Variants in AP5Z1 observed in about 807,000 individuals in gnomAD.
AP5Z1 encodes the protein AP-5 complex subunit zeta-1.
Under a neutral mutation model 83.0 loss-of-function variants are expected in AP5Z1, and 106 were observed. The ratio of observed to expected loss-of-function variants is 1.28; its 90% CI spans 1.09 to 1.50. AP5Z1 has a LOEUF of 1.50. Among genes scored for constraint, AP5Z1 ranks in the 40% most tolerant of loss-of-function variants. The pLI, the probability that AP5Z1 is intolerant of heterozygous loss-of-function variation, is 0.00. For synonymous variants in AP5Z1, 751 were observed against 514.1 expected, an observed-to-expected ratio of 1.46 and a Z score of -6.23; for missense variants, 1,565 against 1,094.2, an observed-to-expected ratio of 1.43 and a Z score of -6.07.
At chr7:4,782,973 G>C (rs545149456) in intron 3 of AP5Z1, among the ~76,000 whole-genome samples, 89 of 152,280 alleles carry the variant, frequency 5.8e-4, no homozygotes, top group African/African-American at 1.9e-3. Context: ...GAGGTGGGTG[G>C]TTTAAAGACT....
At position 4,791,361 on chromosome 7, in the gene AP5Z1, G is replaced by A. The variant is rs368571200; in HGVS notation, c.2400G>A (p.Arg800=). 5.6e-4 allele frequency: 895 copies of A among 1,608,042 alleles called. 6 individuals are homozygous for A. Among genetic ancestry groups the A allele is most frequent in the Middle Eastern group, 5.4e-3 (32 of 5,972 alleles). The change falls in exon 17 of 17, where the codon AGG becomes AGA. Residue 800 remains arginine (R), a synonymous_variant. Transcript: ENST00000649063. ...GCACGGTCAGCCGGCTGGTGGAGAG[G>A]GAGGCCGGCCTCATGCCAGGGTGAA... is the stretch of plus-strand genomic sequence containing the variant. ...ALRTVSRLVE[R]EAGLMPG
At chr7:4,787,835 G>C (rs1035406543) in intron 11 of AP5Z1, 59 bp downstream of exon 11, 24 of 1,483,520 alleles carry the variant, frequency 1.6e-5, no homozygotes, top group Non-Finnish European at 2.1e-5. Flanking sequence ...CCACACACTG[G>C]GCCCCCTCCT....
chr7:4,779,479 T>C (rs191242271), intron 1 of AP5Z1, among the ~76,000 whole-genome samples: 9,780 of 147,388 alleles, frequency 0.066, 446 homozygotes, highest in African/African-American at 0.12. Context: ...ATTATATATA[T>C]ATATTTTTTT....
At chr7:4,786,133 C>T in intron 9 of AP5Z1, 117 bp from the exon 10 acceptor site, 2 of 1,120,212 alleles carry the variant, frequency 1.8e-6, no homozygotes, top group Non-Finnish European at 2.5e-6. Context: ...GCGTAGGACG[C>T]CTCGGAGCCC....
Position 4,791,444 on chromosome 7 carries a change from T to TGAGGCCAGGCTGATAG in AP5Z1, c.*63_*78dup. On this transcript the variant is annotated 3_prime_UTR_variant, in exon 17 of 17. Transcript: ENST00000649063. ...AGAGCCTGGGCAGCCAGCTTGCTAC[T>TGAGGCCAGGCTGATAG]GAGGCCAGGCTGATAGGAGCTCAGG... 1 of 1,525,606 alleles carries TGAGGCCAGGCTGATAG rather than the reference T, an allele frequency of 6.6e-7. No individual in the cohort carries two copies. The highest frequency in any genetic ancestry group is 2.4e-5 in the East Asian group (1 of 41,444). The allele number at this position is 1,525,606 out of a possible 1,614,324, so 94.5% of individuals were successfully genotyped here.
In AP5Z1 at chr7:4,791,422, G is replaced by A. The variant is rs1307038559; in HGVS notation, c.*37G>A. 18 of 1,560,504 alleles carry A rather than the reference G, an allele frequency of 1.2e-5. No individual in the cohort carries two copies. Among genetic ancestry groups the A allele is most frequent in the South Asian group, 2.4e-5 (2 of 84,592 alleles). On this transcript the variant is annotated 3_prime_UTR_variant, in exon 17 of 17. Coordinates refer to ENST00000649063, the MANE Select transcript of AP5Z1 (RefSeq NM_014855.3). ...CCAGGGACTTCGGTGCAGATTAAGA[G>A]CCTGGGCAGCCAGCTTGCTACTGAG...
chr7:4,782,053 T>TTG (rs1382997253), intron 3 of AP5Z1, among the ~76,000 whole-genome samples: 3 of 151,564 alleles, frequency 2.0e-5, no homozygotes, highest in Non-Finnish European at 4.4e-5. Context: ...CTTTTTGGGG[T>TTG]TTTTGTTTTG....
At chr7:4,779,342 CAT>C (rs200109123) in intron 1 of AP5Z1, among the ~76,000 whole-genome samples, 1,968 of 141,262 alleles carry the variant, frequency 0.014, 48 homozygotes, top group African/African-American at 0.05. Context: ...TGATATATAA[CAT>C]ATAACATGTT....
rs1168585647 is a variant in AP5Z1 at position 4,791,976 on chromosome 7, C to G, written c.*591C>G. On this transcript the variant is annotated 3_prime_UTR_variant, in exon 17 of 17. Coordinates refer to ENST00000649063, the MANE Select transcript of AP5Z1 (RefSeq NM_014855.3). Reference sequence around the variant, plus strand: ...CTGGGTGGTGCGCTTGTCAATGCCCCTTTTGATGCCCTTGAATAGCCTGAA... The same window carrying G: ...CTGGGTGGTGCGCTTGTCAATGCCCGTTTTGATGCCCTTGAATAGCCTGAA... 2.0e-5 allele frequency: 3 copies of G among 152,688 alleles called. No homozygotes were observed. Among genetic ancestry groups the G allele is most frequent in the African/African-American group, 4.8e-5 (2 of 41,450 alleles). The allele number at this position is 152,688 out of a possible 1,614,324, so 9.5% of individuals were successfully genotyped here. A position where few individuals can be genotyped will look rare whatever the true frequency, so the allele number is the denominator to read the frequency against.
chr7:4,781,943 G>A (rs1187700340), intron 3 of AP5Z1, among the ~76,000 whole-genome samples, 189 bp downstream of exon 3: 1 of 152,228 alleles, frequency 6.6e-6, no homozygotes, highest in African/African-American at 2.4e-5. Context: ...TGCCCAGCAG[G>A]CCCACGTGGT....
chr7:4,778,667 G>T (rs2115097525), intron 1 of AP5Z1, among the ~76,000 whole-genome samples: 1 of 151,386 alleles, frequency 6.6e-6, no homozygotes, highest in South Asian at 2.1e-4. Flanking sequence ...ATTTAATCGG[G>T]ATGAGGGGTT....
At position 4,788,171 on chromosome 7, in the gene AP5Z1, C is replaced by T. The variant is rs755018427; in HGVS notation, c.1472C>T (p.Ser491Phe). The stretch of plus-strand genomic sequence containing the variant: ...CCACGCAGGTCAGCACCGGCTGCAT[C>T]CGAGAGGCCACTCTGGGACACCTCT... ...DLQLRSAPAA[S>F]ERPLWDTSLR... is the part of the protein sequence containing the mutation. The change falls in exon 12 of 17, where the codon TCC becomes TTC. Residue 491 changes from serine (S) to phenylalanine (F), a missense_variant. By Grantham distance (155) the Ser-to-Phe change is radical. Transcript: ENST00000649063. 7 of 1,555,018 alleles carry T rather than the reference C, an allele frequency of 4.5e-6. No homozygotes were observed. The highest frequency in any genetic ancestry group is 1.4e-5 in the African/African-American group (1 of 73,354).
rs771920343 is a variant in AP5Z1 at position 4,781,264 on chromosome 7, C to G, written c.131C>G (p.Ser44Cys). 1.2e-6 allele frequency: 2 copies of G among 1,613,812 alleles called. No homozygotes were observed. Among genetic ancestry groups the G allele is most frequent in the Non-Finnish European group, 8.5e-7 (1 of 1,179,796 alleles). ...AEDLGPDTLDSLQRLFLIISA... is the reference protein window; with the variant it reads ...AEDLGPDTLDCLQRLFLIISA... ...GACTTGGGGCCGGACACCCTCGACT[C>G]CCTGCAGAGGCTCTTCCTCATCATC... The change falls in exon 2 of 17, where the codon TCC (serine) becomes TGC (cysteine). Residue 44 changes from serine (S) to cysteine (C), a missense_variant. Coordinates refer to ENST00000649063, the MANE Select transcript of AP5Z1 (RefSeq NM_014855.3).
At position 4,787,725 on chromosome 7, in the gene AP5Z1, A is replaced by G; in HGVS notation, c.1403A>G (p.His468Arg). Residue 468 changes from histidine (H) to arginine (R), a missense_variant, in exon 11 of 17, where the codon CAC becomes CGC. Coordinates refer to ENST00000649063, the MANE Select transcript of AP5Z1 (RefSeq NM_014855.3). Reference sequence around the variant, plus strand: ...GCTGGCACAGCCCTGGAGATGCTGCACGCGCTGCTGGACCTGCCCTGCTTG... The same window carrying G: ...GCTGGCACAGCCCTGGAGATGCTGCGCGCGCTGCTGGACCTGCCCTGCTTG... ...VDAGTALEML[H>R]ALLDLPCLTA... The G allele has an allele frequency of 6.5e-7, 1 of 1,548,982 alleles. No individual in the cohort carries two copies. Among genetic ancestry groups the G allele is most frequent in the Admixed American group, 1.9e-5 (1 of 51,600 alleles).
chr7:4,784,435 C>T (rs2115110019), intron 6 of AP5Z1, 64 bp downstream of exon 6: 3 of 1,507,156 alleles, frequency 2.0e-6, no homozygotes, highest in African/African-American at 1.4e-5. Context: ...GGGTTGGTCG[C>T]AGGGGGACAC....
chr7:4,785,308 C>A (rs573657419), intron 7 of AP5Z1, 107 bp from the exon 8 acceptor site: 105 of 1,433,884 alleles, frequency 7.3e-5, no homozygotes, highest in Non-Finnish European at 9.6e-5. Flanking sequence ...GCCTGTCCCA[C>A]CCCCCTGCTC....
At chr7:4,780,283 T>G (rs1781344490) in intron 1 of AP5Z1, among the ~76,000 whole-genome samples, 1 of 152,222 alleles carries the variant, frequency 6.6e-6, no homozygotes, top group Non-Finnish European at 1.5e-5. Flanking sequence ...CATAATGGGC[T>G]TACCTTACAA....
At chr7:4,783,855 T>C (rs2115108001) in intron 5 of AP5Z1, 57 bp downstream of exon 5, 4 of 1,491,410 alleles carry the variant, frequency 2.7e-6, no homozygotes, top group Non-Finnish European at 3.6e-6. Context: ...AACCCCTCCC[T>C]GAGAGCTCCT....
chr7:4,775,754 C>A lies in AP5Z1; in HGVS notation c.39C>A (p.Ala13=), dbSNP rs1442074709. 1 of 1,604,824 alleles carries A rather than the reference C, an allele frequency of 6.2e-7. No homozygotes were observed. The highest frequency in any genetic ancestry group is 1.3e-5 in the African/African-American group (1 of 74,904). The change falls in exon 1 of 17, where the codon GCC becomes GCA. Residue 13 remains alanine (A), a splice_region_variant and synonymous_variant. Transcript: ENST00000649063. Reference sequence around the variant, plus strand: ...GAGCGGAGAGTTTGCTCCACCAGGCCAGGTACGGGGGAGCTGCGGCCCCGG... The same window carrying A: ...GAGCGGAGAGTTTGCTCCACCAGGCAAGGTACGGGGGAGCTGCGGCCCCGG... ...SAGAESLLHQ[A]REIQDEELKK...
Sources: allele counts gnomAD v4.1 joint callset (sites outside exome capture counted in the v4.1 genomes callset), GRCh38; gene constraint gnomAD v4.1.1; transcripts MANE v1.5; gene names NCBI Gene and HGNC (gene_info 2026-07-23, HGNC 2026-07-21).